The following GLP1R variants were observed in gnomAD, a reference collection of about 807,000 sequenced individuals.
GLP1R encodes the protein glucagon like peptide 1 receptor, also known as glucagon-like peptide 1 receptor.
GLP1R carries 32 observed loss-of-function variants against 68.4 expected under a neutral mutation model. The observed-to-expected ratio is 0.47, with a 90% CI of 0.35 to 0.63. The LOEUF is 0.63. Among genes scored for constraint, GLP1R ranks in the 20% least tolerant of loss-of-function variants. The probability of loss-of-function intolerance (pLI) is 0.00; values close to 1 mark genes in which losing one functional copy is unlikely to be tolerated. For synonymous variants in GLP1R, 263 were observed against 244.4 expected, an observed-to-expected ratio of 1.08 and a Z score of -0.71; for missense variants, 502 against 594.9, an observed-to-expected ratio of 0.84 and a Z score of 1.62.
chr6:39,068,082 T>C (rs1360610571), intron 5 of GLP1R, among the ~76,000 whole-genome samples: 1 of 152,064 alleles, frequency 6.6e-6, no homozygotes, highest in Non-Finnish European at 1.5e-5. Context: ...ATAAATACAA[T>C]TGTTTATTTT....
At chr6:39,070,330 A>T (rs1026104374) in intron 5 of GLP1R, among the ~76,000 whole-genome samples, 8 of 152,380 alleles carry the variant, frequency 5.3e-5, no homozygotes, top group African/African-American at 1.9e-4. Flanking sequence ...TTTAACCACC[A>T]TTCCATATTC....
rs375971856 is a variant in GLP1R at position 39,079,230 on chromosome 6, A to G, written c.1043+30A>G. On this transcript the variant is annotated intron_variant, in intron 10 of 12. Coordinates refer to ENST00000373256, the MANE Select transcript of GLP1R (RefSeq NM_002062.5). The surrounding 1 kb of genome is among the most constrained non-coding windows in gnomAD (Gnocchi z 4.5). ...TGTAACTGAGCTGGCTTTACTGAGG[A>G]CCCTCAGCAAGTGCCCCTTTCCTTC... 1.4e-5 allele frequency: 21 copies of G among 1,459,578 alleles called. No individual in the cohort carries two copies. Among genetic ancestry groups the G allele is most frequent in the Non-Finnish European group, 1.9e-5 (20 of 1,038,918 alleles). The allele number at this position is 1,459,578 out of a possible 1,614,324, so 90.4% of individuals were successfully genotyped here.
intron 3 of GLP1R, among the ~76,000 whole-genome samples, chr6:39,065,237 C>T (rs539929105): frequency 2.6e-5 from 4 of 152,292 alleles, no homozygotes; most frequent in South Asian, 4.1e-4. Context: ...TCTGCTCTCC[C>T]CAAGGAGTGT....
rs1204443680 is a variant in GLP1R at position 39,088,115 on chromosome 6, C to T, written c.*2042C>T. Among the ~76,000 whole-genome samples, 4 of 152,134 alleles carry T rather than the reference C, an allele frequency of 2.6e-5. No homozygotes were observed. The highest frequency in any genetic ancestry group is 5.9e-5 in the Non-Finnish European group (4 of 68,018). On this transcript the variant is annotated 3_prime_UTR_variant, in exon 13 of 13. Coordinates refer to ENST00000373256, the MANE Select transcript of GLP1R (RefSeq NM_002062.5). ...AGTTAGGCACCTGGGAAGCTCAAAT[C>T]ATTTAGTTTAAACTGTAAGTAGAGT... is the stretch of plus-strand genomic sequence containing the variant.
intron 12 of GLP1R, 136 bp from the exon 13 acceptor site, chr6:39,085,770 G>T (rs749863400): frequency 1.3e-6 from 1 of 769,686 alleles, no homozygotes; most frequent in Non-Finnish European, 2.2e-6. Context: ...TAATTTAGGA[G>T]CCCGAAGGCC....
At chr6:39,062,030 T>C in intron 3 of GLP1R, among the ~76,000 whole-genome samples, 1 of 152,220 alleles carries the variant, frequency 6.6e-6, no homozygotes, top group East Asian at 1.9e-4. Flanking sequence ...TAGTCCTTGC[T>C]GGCCACCTCG....
intron 12 of GLP1R, among the ~76,000 whole-genome samples, chr6:39,083,995 T>C (rs1453471464): frequency 1.3e-5 from 2 of 152,094 alleles, no homozygotes; most frequent in Non-Finnish European, 2.9e-5. Flanking sequence ...CTGTGCTAGG[T>C]TCAGGGATGC....
chr6:39,067,543 G>A (rs182705832), intron 5 of GLP1R, among the ~76,000 whole-genome samples: 2 of 152,262 alleles, frequency 1.3e-5, no homozygotes, highest in Non-Finnish European at 2.9e-5. Flanking sequence ...CCATTCGTGA[G>A]GGCAGAGCCT....
intron 12 of GLP1R, among the ~76,000 whole-genome samples, chr6:39,081,759 A>C (rs1453512215): frequency 6.6e-6 from 1 of 152,234 alleles, no homozygotes; most frequent in Non-Finnish European, 1.5e-5. Context: ...AGGCTTTGGC[A>C]TCTTATTTGG....
chr6:39,072,861 G>A lies in GLP1R; in HGVS notation c.510-1G>A. 1 of 1,613,384 alleles carries A rather than the reference G, an allele frequency of 6.2e-7. No individual in the cohort carries two copies. Among genetic ancestry groups the A allele is most frequent in the Non-Finnish European group, 8.5e-7 (1 of 1,179,568 alleles). On this transcript the variant is annotated splice_acceptor_variant, in intron 5 of 12. Coordinates refer to ENST00000373256, the MANE Select transcript of GLP1R (RefSeq NM_002062.5). LOFTEE classifies it high-confidence loss of function. ...GGGAAAGGCCCTGCTTTCTCCCTCA[G>A]ACACCTGCACTGCACCAGGAACTAC...
In GLP1R at chr6:39,066,210, A is replaced by C; in HGVS notation, c.416A>C (p.Glu139Ala). The change falls in exon 5 of 13, where the codon GAG becomes GCG. Residue 139 changes from glutamate to alanine, a missense_variant. By Grantham distance (107) the Glu-to-Ala change is moderately radical. Transcript: ENST00000373256. ...SKRGERSSPEEQLLFLYIIYT... is the reference protein window; with the variant it reads ...SKRGERSSPEAQLLFLYIIYT... ...CGTGTGCCACAGAGCTCCCCGGAGGAGCAGCTCCTGTTCCTCTACATCATC... is the reference window on the plus strand; with the variant it reads ...CGTGTGCCACAGAGCTCCCCGGAGGCGCAGCTCCTGTTCCTCTACATCATC... 6.2e-7 allele frequency: 1 copy of C among 1,601,296 alleles called. No individual in the cohort carries two copies. The highest frequency in any genetic ancestry group is 1.7e-5 in the Admixed American group (1 of 59,848).
Position 39,088,482 on chromosome 6 carries a change from T to C in GLP1R, c.*2409T>C, listed in dbSNP as rs553422265. On this transcript the variant is annotated 3_prime_UTR_variant, in exon 13 of 13. Transcript: ENST00000373256. ...AACTTGCTGAGAACTCTCGGCTGCC[T>C]CTGTCCTGGGGTACTATTGCTGACC... Among the ~76,000 whole-genome samples, 53 of 152,322 alleles carry C rather than the reference T, an allele frequency of 3.5e-4. No individual in the cohort carries two copies. The highest frequency in any genetic ancestry group is 1.3e-3 in the African/African-American group (52 of 41,580).
At chr6:39,067,356 C>T (rs9296284) in intron 5 of GLP1R, among the ~76,000 whole-genome samples, 69,097 of 151,994 alleles carry the variant, frequency 0.45, 16,368 homozygotes, top group Non-Finnish European at 0.51. Flanking sequence ...AAATATATTC[C>T]TCACAATTCT....
At chr6:39,072,816 A>G (rs200140513) in intron 5 of GLP1R, 46 bp from the exon 6 acceptor site, 60 of 1,578,722 alleles carry the variant, frequency 3.8e-5, no homozygotes, top group Middle Eastern at 3.4e-4. Flanking sequence ...TGTAGAGCAG[A>G]ACTGTTGGCT....
chr6:39,057,292 A>T (rs949017667), intron 2 of GLP1R, among the ~76,000 whole-genome samples, 180 bp from the exon 3 acceptor site: 6 of 152,206 alleles, frequency 3.9e-5, no homozygotes, highest in Non-Finnish European at 8.8e-5. Context: ...TGCCACTGAT[A>T]AGTGGCAAGT....
chr6:39,089,819 G>A lies in GLP1R; in HGVS notation c.*3746G>A, dbSNP rs1310661025. Reference sequence around the variant, plus strand: ...CATTATTTGCTAATGCCTGCGACGTGCTCAGGGAAGGCAAAATCTATTCCA... The same window carrying A: ...CATTATTTGCTAATGCCTGCGACGTACTCAGGGAAGGCAAAATCTATTCCA... On this transcript the variant is annotated 3_prime_UTR_variant, in exon 13 of 13. Transcript: ENST00000373256. This position sits in a 1 kb window ranked among gnomAD's most constrained non-coding sequence, Gnocchi z 4.1. Among the ~76,000 whole-genome samples the A allele has an allele frequency of 6.6e-6, 1 of 152,142 alleles. No homozygotes were observed. The highest frequency in any genetic ancestry group is 1.5e-5 in the Non-Finnish European group (1 of 68,046).
intron 1 of GLP1R, among the ~76,000 whole-genome samples, chr6:39,052,382 G>C (rs1337388038): frequency 6.6e-6 from 1 of 152,152 alleles, no homozygotes; most frequent in Non-Finnish European, 1.5e-5. Context: ...GGTCCTGGGA[G>C]GAGATGCCAG....
At chr6:39,056,329 T>TA (rs1167299215) in intron 1 of GLP1R, 68 bp from the exon 2 acceptor site, 1 of 786,388 alleles carries the variant, frequency 1.3e-6, no homozygotes, top group Admixed American at 2.0e-5. Context: ...CCAAGTGTGT[T>TA]AGGGGGTGAG....
rs776194642 is a variant in GLP1R, at chr6:39,066,211, G to A, written c.417G>A (p.Glu139=). Residue 139 remains glutamate (E), a synonymous_variant, in exon 5 of 13, where the codon GAG becomes GAA. Coordinates refer to ENST00000373256, the MANE Select transcript of GLP1R (RefSeq NM_002062.5). The part of the protein sequence containing the change: ...SKRGERSSPE[E]QLLFLYIIYT... ...GTGTGCCACAGAGCTCCCCGGAGGAGCAGCTCCTGTTCCTCTACATCATCT... is the reference window on the plus strand; with the variant it reads ...GTGTGCCACAGAGCTCCCCGGAGGAACAGCTCCTGTTCCTCTACATCATCT... 6.2e-6 allele frequency: 10 copies of A among 1,600,416 alleles called. No individual in the cohort carries two copies. The highest frequency in any genetic ancestry group is 1.3e-5 in the African/African-American group (1 of 74,596).
Sources: allele counts gnomAD v4.1 joint callset (sites outside exome capture counted in the v4.1 genomes callset), GRCh38; gene constraint gnomAD v4.1.1; non-coding constraint Gnocchi (gnomAD v3.1); transcripts MANE v1.5; gene names NCBI Gene and HGNC (gene_info 2026-07-23, HGNC 2026-07-21).